Variants in LAMB3 observed in about 807,000 individuals in gnomAD.
The protein encoded by LAMB3 is laminin subunit beta 3.
A neutral mutation model predicts 140.3 loss-of-function variants in LAMB3; 104 were observed. The ratio of observed to expected loss-of-function variants is 0.74; its 90% CI spans 0.63 to 0.87. The LOEUF (loss-of-function observed/expected upper bound fraction) is 0.87, where lower values mean the gene tolerates loss of function less well. Ranked by LOEUF, LAMB3 falls within the 40% of genes least tolerant of loss-of-function variation. The probability of loss-of-function intolerance (pLI) is 0.00; values close to 1 mark genes in which losing one functional copy is unlikely to be tolerated. For synonymous variants in LAMB3, 592 were observed against 602.9 expected (o/e 0.98, Z 0.26); for missense variants, 1,531 against 1,575.2 (o/e 0.97, Z 0.47).
chr1:209,652,315 C>G (rs962769280), intron 1 of LAMB3, 54 bp downstream of exon 1: 7 of 152,434 alleles, frequency 4.6e-5, no homozygotes, highest in African/African-American at 1.7e-4. Flanking sequence ...TCCAGAGATA[C>G]AGTCCTCCTC....
At chr1:209,634,201 A>ACGG (rs1315555190) in intron 6 of LAMB3, among the ~76,000 whole-genome samples, 1 of 152,016 alleles carries the variant, frequency 6.6e-6, no homozygotes, top group African/African-American at 2.4e-5. Flanking sequence ...GCTGTGGAAG[A>ACGG]CGGCAGGGGT....
At chr1:209,616,708 A>C in intron 21 of LAMB3, 84 bp from the exon 22 acceptor site, 1 of 1,351,840 alleles carries the variant, frequency 7.4e-7, no homozygotes, top group Non-Finnish European at 1.0e-6. Context: ...ATATCACCCA[A>C]ATCAATACAC....
At chr1:209,651,712 G>A (rs1051520632) in intron 1 of LAMB3, among the ~76,000 whole-genome samples, 6 of 152,276 alleles carry the variant, frequency 3.9e-5, no homozygotes, top group South Asian at 2.1e-4. Context: ...AAGGATGCTC[G>A]AAAGCCACCG....
chr1:209,637,904 A>C lies in LAMB3; in HGVS notation c.372+4T>G. ...CTATCCACTGCCACCCCCAGGAGGCACACCTGGAACTCCATCATGACTTCT... is the reference window on the plus strand; with the variant it reads ...CTATCCACTGCCACCCCCAGGAGGCCCACCTGGAACTCCATCATGACTTCT... On this transcript the variant is annotated splice_donor_region_variant and intron_variant, in intron 5 of 22. Coordinates refer to ENST00000356082, the MANE Select transcript of LAMB3 (RefSeq NM_000228.3). 6.2e-7 allele frequency: 1 copy of C among 1,610,904 alleles called. No homozygotes were observed. The highest frequency in any genetic ancestry group is 8.5e-7 in the Non-Finnish European group (1 of 1,178,272).
intron 1 of LAMB3, 45 bp from the exon 2 acceptor site, chr1:209,651,026 A>G (rs1160199411): frequency 8.4e-7 from 1 of 1,195,758 alleles, no homozygotes; most frequent in East Asian, 2.3e-5. Context: ...GCAAACCCCT[A>G]GAGCACACTA....
At chr1:209,626,166 G>T (rs1666444357) in intron 13 of LAMB3, 140 bp from the exon 14 acceptor site, 2 of 961,342 alleles carry the variant, frequency 2.1e-6, no homozygotes, top group Admixed American at 5.8e-5. Context: ...CAGAATAAAA[G>T]CCATGGTAAC....
chr1:209,622,121 T>C (rs1666217303), intron 18 of LAMB3, among the ~76,000 whole-genome samples: 1 of 152,198 alleles, frequency 6.6e-6, no homozygotes, highest in South Asian at 2.1e-4. Flanking sequence ...GGCAAGAGCC[T>C]GACATGTTCA....
chr1:209,640,792 C>T (rs1008148833), intron 3 of LAMB3, among the ~76,000 whole-genome samples: 1 of 151,856 alleles, frequency 6.6e-6, no homozygotes, highest in Non-Finnish European at 1.5e-5. Flanking sequence ...AGAAAAATAC[C>T]TAGCACAGGC....
Position 209,618,673 on chromosome 1 carries a change from C to T in LAMB3, c.2702-14G>A, listed in dbSNP as rs199838217. 0.015 allele frequency: 21,236 copies of T among 1,402,116 alleles called. 258 individuals carry two copies. The highest frequency in any genetic ancestry group is 0.066 in the African/African-American group (4,594 of 69,208). 86.9% of individuals were successfully genotyped at this position (1,402,116 alleles called of 1,614,324 possible). On this transcript the variant is annotated splice_polypyrimidine_tract_variant and intron_variant, in intron 18 of 22. Coordinates refer to ENST00000356082, the MANE Select transcript of LAMB3 (RefSeq NM_000228.3). ...CAGTGTCGGGGTCTGGAAGACAACA[C>T]GCATTTGACTGTAGGAGCCCACTAA...
intron 3 of LAMB3, among the ~76,000 whole-genome samples, chr1:209,648,650 G>A (rs59901107): frequency 0.16 from 24,746 of 151,998 alleles, 2,131 homozygotes; most frequent in African/African-American, 0.21. Flanking sequence ...AGGCCTGGAG[G>A]AGGAGAAACT....
At chr1:209,646,444 C>A (rs2076518802) in intron 3 of LAMB3, among the ~76,000 whole-genome samples, 1 of 152,228 alleles carries the variant, frequency 6.6e-6, no homozygotes, top group African/African-American at 2.4e-5. Flanking sequence ...CCCTGACTTT[C>A]ACAAGGCCAC....
rs1009431231 is a variant in LAMB3, at chr1:209,615,157, G to A, written c.*114C>T. The stretch of plus-strand genomic sequence containing the variant: ...CTACACACCAGGGGTGGTCCAGGCT[G>A]TACTTTAGGCTGCATGAAAGTCTCC... On this transcript the variant is annotated 3_prime_UTR_variant, in exon 23 of 23. Transcript: ENST00000356082. 1.7e-5 allele frequency: 23 copies of A among 1,391,790 alleles called. No homozygotes were observed. Among genetic ancestry groups the A allele is most frequent in the South Asian group, 2.4e-5 (2 of 82,846 alleles). 86.2% of individuals were successfully genotyped at this position (1,391,790 alleles called of 1,614,324 possible). A position where few individuals can be genotyped will look rare whatever the true frequency, so the allele number is the denominator to read the frequency against.
intron 10 of LAMB3, among the ~76,000 whole-genome samples, chr1:209,629,448 T>C (rs919560696): frequency 6.6e-6 from 1 of 152,238 alleles, no homozygotes; most frequent in Non-Finnish European, 1.5e-5. Context: ...CCAAACAGTG[T>C]GTGTGTTCCC....
intron 8 of LAMB3, among the ~76,000 whole-genome samples, chr1:209,631,212 G>A (rs1015539136): frequency 2.0e-5 from 3 of 152,198 alleles, no homozygotes; most frequent in Non-Finnish European, 4.4e-5. Flanking sequence ...GCTGTTGCGT[G>A]CTAATTGCCT....
intron 9 of LAMB3, 81 bp from the exon 10 acceptor site, chr1:209,630,006 C>A: frequency 7.5e-7 from 1 of 1,332,154 alleles, no homozygotes; most frequent in Admixed American, 1.8e-5. Flanking sequence ...AGCTCACTGG[C>A]ATCTGTAACA....
intron 14 of LAMB3, among the ~76,000 whole-genome samples, chr1:209,625,382 G>C (rs1026959690): frequency 1.3e-5 from 2 of 152,128 alleles, no homozygotes; most frequent in Non-Finnish European, 2.9e-5. Context: ...AGAACGCTGG[G>C]CTTGGGCTCC....
rs906968395 is a variant in LAMB3, at chr1:209,617,706, T to C, written c.3052-120A>G. ...CCCTCTCCAACCAGAACAAACACAA[T>C]TGCCCACCTCTCACCCCTCCTTCTG... On this transcript the variant is annotated intron_variant, in intron 20 of 22. Transcript: ENST00000356082. 5 of 1,298,180 alleles carry C rather than the reference T, an allele frequency of 3.9e-6. No homozygotes were observed. In the East Asian group the frequency reaches 9.8e-5, roughly 26 times the overall value. The allele number at this position is 1,298,180 out of a possible 1,614,324, so 80.4% of individuals were successfully genotyped here.
Position 209,627,491 on chromosome 1 carries a change from A to T in LAMB3, c.1377T>A (p.Gly459=). 6.2e-7 allele frequency: 1 copy of T among 1,613,726 alleles called. No individual in the cohort carries two copies. Among genetic ancestry groups the T allele is most frequent in the Non-Finnish European group, 8.5e-7 (1 of 1,179,946 alleles). ...GRCLCLPNVV[G]PKCDQCAPYH... is the part of the protein sequence containing the mutation. ...AGGGAGCACACTGGTCACATTTGGG[A>T]CCCACCACGTTGGGCAGACAAAGGC... The change falls in exon 12 of 23, where the codon GGT becomes GGA. Residue 459 remains glycine (G), a synonymous_variant. Coordinates refer to ENST00000356082, the MANE Select transcript of LAMB3 (RefSeq NM_000228.3).
intron 11 of LAMB3, among the ~76,000 whole-genome samples, chr1:209,627,820 G>A (rs529310097): frequency 5.3e-5 from 8 of 152,358 alleles, no homozygotes; most frequent in South Asian, 2.1e-4. Context: ...CAACTCGGAC[G>A]TGTGCTGCCA....
Sources: allele counts gnomAD v4.1 joint callset (sites outside exome capture counted in the v4.1 genomes callset), GRCh38; gene constraint gnomAD v4.1.1; transcripts MANE v1.5; gene names NCBI Gene and HGNC (gene_info 2026-07-23, HGNC 2026-07-21).